CSMD1: variants seen among roughly 807,000 people sequenced by gnomAD.
The protein encoded by CSMD1 is CUB and Sushi multiple domains 1, also known as CUB and sushi domain-containing protein 1.
In CSMD1, 213 loss-of-function variants were observed where a neutral mutation model predicts 417.5. The observed-to-expected ratio is 0.51, with a 90% CI of 0.46 to 0.57. The LOEUF is 0.57. CSMD1 is among the 20% of genes least tolerant of loss of function. The pLI is 0.00. For synonymous variants in CSMD1, 2,862 were observed against 1,736.8 expected, an observed-to-expected ratio of 1.65 and a Z score of -16.11; for missense variants, 6,923 against 4,529.7, an observed-to-expected ratio of 1.53 and a Z score of -15.17.
At chr8:3,653,783 C>G (rs1284411104) in intron 7 of CSMD1, among the ~76,000 whole-genome samples, 1 of 152,138 alleles carries the variant, frequency 6.6e-6, no homozygotes, top group Admixed American at 6.6e-5. Context: ...ATGACATATC[C>G]CTAACTCGTG....
At chr8:4,172,865 G>C (rs951875475) in intron 3 of CSMD1, among the ~76,000 whole-genome samples, 7 of 152,106 alleles carry the variant, frequency 4.6e-5, no homozygotes, top group Non-Finnish European at 1.0e-4. Context: ...CGTGTGCGTA[G>C]GCATAAAAGG....
chr8:3,197,926 C>T (rs1377677231), intron 33 of CSMD1, among the ~76,000 whole-genome samples: 1 of 152,050 alleles, frequency 6.6e-6, no homozygotes, highest in Non-Finnish European at 1.5e-5. Context: ...GACAAAAAGA[C>T]ATCAATTTTC....
rs73510702 is a variant in CSMD1 at position 4,404,603 on chromosome 8, G to A, written c.415+15350C>T. On this transcript the variant is annotated intron_variant, in intron 3 of 69. Coordinates refer to ENST00000635120, the MANE Select transcript of CSMD1 (RefSeq NM_033225.6). ...AATTTTAGCTAGTAATGGCAAAAAT[G>A]GCAATTTCTTTTGCACCAACCTAAG... 2.0e-3 allele frequency among the ~76,000 whole-genome samples: 311 copies of A among 151,914 alleles called. 2 individuals are homozygous for A. The highest frequency in any genetic ancestry group is 7.3e-3 in the African/African-American group (301 of 41,436).
At chr8:4,098,445 A>G (rs1047675768) in intron 3 of CSMD1, among the ~76,000 whole-genome samples, 1 of 152,122 alleles carries the variant, frequency 6.6e-6, no homozygotes, top group Admixed American at 6.6e-5. Flanking sequence ...TGCAACATGC[A>G]TCAGACACAT....
chr8:3,739,994 C>G (rs1195460528), intron 6 of CSMD1, among the ~76,000 whole-genome samples: 3 of 152,158 alleles, frequency 2.0e-5, no homozygotes, highest in Non-Finnish European at 4.4e-5. Context: ...TTAAAATTGT[C>G]TTGGTCTCTT....
chr8:3,529,607 C>G (rs139962642), intron 10 of CSMD1, among the ~76,000 whole-genome samples: 4 of 152,156 alleles, frequency 2.6e-5, no homozygotes, highest in African/African-American at 9.7e-5. Context: ...CATCTTCTGA[C>G]GCCTAGTTCG....
chr8:4,597,485 T>C (rs13279240), intron 2 of CSMD1, among the ~76,000 whole-genome samples: 68,760 of 151,950 alleles, frequency 0.45, 17,887 homozygotes, highest in Non-Finnish European at 0.58. Context: ...TTTTATTACT[T>C]GTATTTTTAA....
chr8:4,256,033 C>T (rs1339388736), intron 3 of CSMD1, among the ~76,000 whole-genome samples: 3 of 152,142 alleles, frequency 2.0e-5, no homozygotes, highest in African/African-American at 7.2e-5. Context: ...GGAAAGAACA[C>T]CACTTTTTAG....
At chr8:3,019,914 A>G (rs1014925435) in intron 51 of CSMD1, among the ~76,000 whole-genome samples, 2 of 152,252 alleles carry the variant, frequency 1.3e-5, no homozygotes, top group Non-Finnish European at 2.9e-5. Flanking sequence ...GGTAAGAATG[A>G]AAGTGTTAGA....
chr8:4,826,310 T>C (rs1357392683), intron 1 of CSMD1, among the ~76,000 whole-genome samples: 2 of 151,788 alleles, frequency 1.3e-5, no homozygotes, highest in African/African-American at 2.4e-5. Flanking sequence ...TGTGTATATA[T>C]GTGTGTGTGT....
chr8:4,215,007 A>G (rs1275731138), intron 3 of CSMD1, among the ~76,000 whole-genome samples: 1 of 152,180 alleles, frequency 6.6e-6, no homozygotes, highest in Admixed American at 6.5e-5. Context: ...GAGAAAGTCA[A>G]GTTCAATTCT....
rs2623610 is a variant in CSMD1, at chr8:3,673,730, T to G, written c.1009+34684A>C. On this transcript the variant is annotated intron_variant, in intron 7 of 69. Transcript: ENST00000635120. ...GCATGATATGAGCACTGCATTTTAG[T>G]CCACGAAACTATTGGAGCTATTCCC... 3.9e-3 allele frequency among the ~76,000 whole-genome samples: 594 copies of G among 152,278 alleles called. 6 individuals carry two copies. The highest frequency in any genetic ancestry group is 0.013 in the African/African-American group (557 of 41,540).
intron 11 of CSMD1, among the ~76,000 whole-genome samples, chr8:3,482,217 C>A (rs1292340577): frequency 6.6e-6 from 1 of 151,990 alleles, no homozygotes; most frequent in East Asian, 1.9e-4. Flanking sequence ...TCTAGATATG[C>A]CACTGAAATA....
intron 21 of CSMD1, among the ~76,000 whole-genome samples, chr8:3,349,298 T>G (rs775825113): frequency 2.2e-4 from 33 of 152,136 alleles, no homozygotes; most frequent in Non-Finnish European, 3.8e-4. Context: ...CCTTCCCTCT[T>G]TGACAACGAA....
At chr8:3,322,046 C>T (rs1806187259) in intron 23 of CSMD1, among the ~76,000 whole-genome samples, 1 of 152,148 alleles carries the variant, frequency 6.6e-6, no homozygotes, top group Non-Finnish European at 1.5e-5. Flanking sequence ...GACGTATTTA[C>T]ATAATAAACA....
chr8:4,057,102 A>C (rs1013469875), intron 3 of CSMD1, among the ~76,000 whole-genome samples: 1 of 152,210 alleles, frequency 6.6e-6, no homozygotes, highest in African/African-American at 2.4e-5. Context: ...ATCCCTGAGG[A>C]ATCGCCACAC....
intron 1 of CSMD1, among the ~76,000 whole-genome samples, chr8:4,741,185 G>C (rs1810581885): frequency 2.6e-5 from 4 of 152,106 alleles, no homozygotes; most frequent in Admixed American, 6.6e-5. Context: ...GTAAGTGTCA[G>C]AGGCATTTCA....
chr8:3,374,726 T>C (rs2116736228), intron 18 of CSMD1, among the ~76,000 whole-genome samples: 1 of 152,186 alleles, frequency 6.6e-6, no homozygotes, highest in African/African-American at 2.4e-5. Context: ...CTGCTGAGGT[T>C]TCTCTGCCAA....
chr8:3,477,589 G>A (rs1236923227), intron 11 of CSMD1, among the ~76,000 whole-genome samples: 3 of 152,202 alleles, frequency 2.0e-5, no homozygotes, highest in Admixed American at 6.5e-5. Context: ...TACCAGTAAT[G>A]AGTTTCAGAC....
Sources: allele counts gnomAD v4.1 joint callset (sites outside exome capture counted in the v4.1 genomes callset), GRCh38; gene constraint gnomAD v4.1.1; transcripts MANE v1.5; gene names NCBI Gene and HGNC (gene_info 2026-07-23, HGNC 2026-07-21).